Variants in CA9 observed in about 807,000 individuals in gnomAD.
The protein encoded by CA9 is carbonic anhydrase 9.
In CA9, 43 loss-of-function variants were observed where a neutral mutation model predicts 51.8. The observed-to-expected ratio is 0.83, with a 90% CI of 0.65 to 1.07. The LOEUF (loss-of-function observed/expected upper bound fraction) is 1.07, where lower values mean the gene tolerates loss of function less well. Ranked by LOEUF, CA9 falls within the 50% of genes least tolerant of loss-of-function variation. The pLI, the probability that CA9 is intolerant of heterozygous loss-of-function variation, is 0.00. For missense variants in CA9, 574 were observed against 581.4 expected, an observed-to-expected ratio of 0.99 and a Z score of 0.13; for synonymous variants, 253 against 244.2, an observed-to-expected ratio of 1.04 and a Z score of -0.34.
chr9:35,676,532 T>G, intron 5 of CA9, 143 bp downstream of exon 5: 1 of 676,220 alleles, frequency 1.5e-6, no homozygotes, highest in Non-Finnish European at 2.5e-6. Context: ...TTTGTTCATT[T>G]AACACCCACT....
chr9:35,674,379 C>A lies in CA9; in HGVS notation c.403+17C>A. The A allele has an allele frequency of 6.3e-7, 1 of 1,594,936 alleles. No homozygotes were observed. The highest frequency in any genetic ancestry group is 8.5e-7 in the Non-Finnish European group (1 of 1,171,328). ...ACAAAGAAGGTAAGTGGTCATCAATCTCCAAATCCAGGTTCCAGGAGGTTC... is the reference window on the plus strand; with the variant it reads ...ACAAAGAAGGTAAGTGGTCATCAATATCCAAATCCAGGTTCCAGGAGGTTC... On this transcript the variant is annotated intron_variant, in intron 1 of 10. Transcript: ENST00000378357.
chr9:35,680,902 G>T, intron 10 of CA9, 63 bp from the exon 11 acceptor site: 1 of 1,607,732 alleles, frequency 6.2e-7, no homozygotes, highest in Non-Finnish European at 8.5e-7. Context: ...CATGCAAAGC[G>T]CATGCAAATG....
intron 5 of CA9, 49 bp from the exon 6 acceptor site, chr9:35,677,741 C>G (rs777134177): frequency 2.0e-6 from 3 of 1,479,104 alleles, no homozygotes; most frequent in Non-Finnish European, 2.8e-6. Context: ...GGCCTTCAGC[C>G]ATGGCCCTGG....
In CA9 at chr9:35,674,044, C is replaced by G. The variant is rs371619786; in HGVS notation, c.85C>G (p.Leu29Val). ...PGLTVQLLLSLLLLVPVHPQR... is the reference protein window; with the variant it reads ...PGLTVQLLLSVLLLVPVHPQR... ...CCTCACTGTGCAACTGCTGCTGTCA[C>G]TGCTGCTTCTGGTGCCTGTCCATCC... Residue 29 changes from leucine (L) to valine (V), a missense_variant, in exon 1 of 11, where the codon CTG (leucine) becomes GTG (valine). By Grantham distance (32) the Leu-to-Val change is conservative (BLOSUM62 1). Coordinates refer to ENST00000378357, the MANE Select transcript of CA9 (RefSeq NM_001216.3). 5.3e-5 allele frequency: 86 copies of G among 1,614,086 alleles called. No homozygotes were observed. The Admixed American group carries it at 1.4e-3, about 26-fold the overall frequency.
At chr9:35,676,029 G>C (rs894416897) in intron 3 of CA9, 35 bp from the exon 4 acceptor site, 1 of 1,609,592 alleles carries the variant, frequency 6.2e-7, no homozygotes, top group Non-Finnish European at 8.5e-7. Context: ...TGGCCCTACC[G>C]GGCGGGGCCG....
At position 35,675,831 on chromosome 9, in the gene CA9, C is replaced by G; in HGVS notation, c.504C>G (p.Pro168=). 1 of 1,604,214 alleles carries G rather than the reference C, an allele frequency of 6.2e-7. No homozygotes were observed. The highest frequency in any genetic ancestry group is 8.5e-7 in the Non-Finnish European group (1 of 1,179,444). ...TCCAGTCCCCGGTGGATATCCGCCC[C>G]CAGCTCGCCGCCTTCTGCCCGGCCC... ...GRFQSPVDIR[P]QLAAFCPALR... is the part of the protein sequence containing the mutation. Residue 168 remains proline, a synonymous_variant, in exon 3 of 11, where the codon CCC becomes CCG. Transcript: ENST00000378357.
intron 3 of CA9, 62 bp downstream of exon 3, chr9:35,675,993 C>T: frequency 6.2e-7 from 1 of 1,602,924 alleles, no homozygotes. Flanking sequence ...GGAACCGTCG[C>T]GGCAGTGCCT....
intron 6 of CA9, 123 bp downstream of exon 6, chr9:35,677,979 C>A: frequency 1.3e-6 from 1 of 760,954 alleles, no homozygotes; most frequent in Non-Finnish European, 2.3e-6. Flanking sequence ...AAGCATGAGC[C>A]AGCGCTCATC....
intron 4 of CA9, 45 bp from the exon 5 acceptor site, chr9:35,676,252 C>G (rs1423921502): frequency 6.2e-7 from 1 of 1,613,390 alleles, no homozygotes; most frequent in East Asian, 2.2e-5. Context: ...CGGGGCGGAG[C>G]GGGGCCAGAG....
intron 1 of CA9, chr9:35,674,988 CTTT>C (rs551485462): frequency 1.7e-4 from 22 of 132,964 alleles, no homozygotes; most frequent in Admixed American, 3.8e-4. Context: ...TGCCCACTCA[CTTT>C]TTTTTTTTTT....
In CA9 at chr9:35,679,853, G is replaced by C. The variant is rs1344161874; in HGVS notation, c.1066-1G>C. 4.4e-6 allele frequency: 7 copies of C among 1,602,988 alleles called. No individual in the cohort carries two copies. The highest frequency in any genetic ancestry group is 2.2e-5 in the East Asian group (1 of 44,804). On this transcript the variant is annotated splice_acceptor_variant, in intron 7 of 10. Coordinates refer to ENST00000378357, the MANE Select transcript of CA9 (RefSeq NM_001216.3). LOFTEE classifies it high-confidence loss of function. Reference sequence around the variant, plus strand: ...CCCACACTGTCCACTGACCTCCCTAGCTCCACACCCTCTCTGACACCCTGT... The same window carrying C: ...CCCACACTGTCCACTGACCTCCCTACCTCCACACCCTCTCTGACACCCTGT...
chr9:35,676,299 C>A lies in CA9; in HGVS notation c.750C>A (p.Ile250=). ...TVEGHRFPAE[I]HVVHLSTAFA... The stretch of plus-strand genomic sequence containing the variant: ...TCCTACCCTCGTGTCCTTTTCAGAT[C>A]CACGTGGTTCACCTCAGCACCGCCT... Residue 250 remains isoleucine, a splice_region_variant and synonymous_variant, in exon 5 of 11, where the codon ATC becomes ATA. Transcript: ENST00000378357. 6.2e-7 allele frequency: 1 copy of A among 1,614,080 alleles called. No homozygotes were observed. Among genetic ancestry groups the A allele is most frequent in the Non-Finnish European group, 8.5e-7 (1 of 1,180,024 alleles).
At chr9:35,680,678 C>T in intron 9 of CA9, 75 bp from the exon 10 acceptor site, 1 of 1,207,686 alleles carries the variant, frequency 8.3e-7, no homozygotes, top group East Asian at 2.3e-5. Flanking sequence ...TGGTGGAGTG[C>T]ACTGAGGCAG....
rs746330254 is a variant in CA9 at position 35,673,948 on chromosome 9, A to G, written c.-12A>G. The stretch of plus-strand genomic sequence containing the variant: ...TACACACCGTGTGCTGGGACACCCC[A>G]CAGTCAGCCGCATGGCTCCCCTGTG... On this transcript the variant is annotated 5_prime_UTR_variant, in exon 1 of 11. Coordinates refer to ENST00000378357, the MANE Select transcript of CA9 (RefSeq NM_001216.3). The G allele has an allele frequency of 2.1e-5, 33 of 1,583,546 alleles. No individual in the cohort carries two copies. The highest frequency in any genetic ancestry group is 2.7e-5 in the Non-Finnish European group (32 of 1,164,438).
chr9:35,676,305 G>A lies in CA9; in HGVS notation c.756G>A (p.Val252=). ...EGHRFPAEIH[V]VHLSTAFARV... ...CCTCGTGTCCTTTTCAGATCCACGT[G>A]GTTCACCTCAGCACCGCCTTTGCCA... The change falls in exon 5 of 11, where the codon GTG becomes GTA. Residue 252 remains valine (V), a synonymous_variant. Coordinates refer to ENST00000378357, the MANE Select transcript of CA9 (RefSeq NM_001216.3). 6.2e-7 allele frequency: 1 copy of A among 1,614,096 alleles called. No homozygotes were observed. The highest frequency in any genetic ancestry group is 1.7e-5 in the Admixed American group (1 of 60,028).
In CA9 at chr9:35,677,586, A is replaced by G. The variant is rs113128774; in HGVS notation, c.841-204A>G. On this transcript the variant is annotated intron_variant, in intron 5 of 10. Transcript: ENST00000378357. ...GAGTACATAGAGTTTGAAATAATAC[A>G]TAGGATTTTAAGAGGGAGACACTGT... is the stretch of plus-strand genomic sequence containing the variant. 5.0e-3 allele frequency among the ~76,000 whole-genome samples: 758 copies of G among 152,170 alleles called. 8 individuals carry two copies. The highest frequency in any genetic ancestry group is 0.017 in the African/African-American group (723 of 41,548).
intron 4 of CA9, 33 bp downstream of exon 4, chr9:35,676,239 G>T: frequency 6.2e-7 from 1 of 1,612,944 alleles, no homozygotes. Context: ...AGGGGCAAAG[G>T]AGCGGGGCGG....
At position 35,680,805 on chromosome 9, in the gene CA9, G is replaced by A. The variant is rs754134463; in HGVS notation, c.1290G>A (p.Ala430=). 2.1e-5 allele frequency: 34 copies of A among 1,614,084 alleles called. 1 individual carries two copies. Among genetic ancestry groups the A allele is most frequent in the Middle Eastern group, 3.3e-4 (2 of 6,084 alleles). The change falls in exon 10 of 11, where the codon GCG becomes GCA. Residue 430 remains alanine, a synonymous_variant. Coordinates refer to ENST00000378357, the MANE Select transcript of CA9 (RefSeq NM_001216.3). The part of the protein sequence containing the change: ...FGLLFAVTSV[A]FLVQMRRQHR... ...TCCTTTTTGCTGTCACCAGCGTCGC[G>A]TTCCTTGTGCAGATGAGAAGGCAGC...
intron 9 of CA9, 119 bp from the exon 10 acceptor site, chr9:35,680,634 G>C: frequency 1.3e-6 from 1 of 757,990 alleles, no homozygotes; most frequent in Non-Finnish European, 2.3e-6. Context: ...GGAGACTGAG[G>C]CACTAGGGGC....
Sources: gnomAD v4.1 joint callset for allele counts (sites outside exome capture counted in the v4.1 genomes callset) on GRCh38, gnomAD v4.1.1 for gene constraint, MANE v1.5 for transcripts, NCBI Gene and HGNC (gene_info 2026-07-23, HGNC 2026-07-21) for gene names.